Variants in PSG2 observed in about 807,000 individuals in gnomAD.
The protein encoded by PSG2 is pregnancy-specific beta-1-glycoprotein 2.
A neutral mutation model predicts 36.2 loss-of-function variants in PSG2; 49 were observed. That is an observed-to-expected ratio of 1.35 (90% confidence interval 1.08 to 1.72). The LOEUF (loss-of-function observed/expected upper bound fraction) is 1.72, where lower values mean the gene tolerates loss of function less well. PSG2 is among the 40% of genes most tolerant of loss of function. PSG2 has a pLI of 0.00. For synonymous variants in PSG2, 261 were observed against 155.6 expected (o/e 1.68, Z -5.04); for missense variants, 605 against 407.2 (o/e 1.49, Z -4.18).
In PSG2 at chr19:43,071,164, G is replaced by A. The variant is rs139997679; in HGVS notation, c.964+536C>T. On this transcript the variant is annotated intron_variant, in intron 4 of 5. Transcript: ENST00000406487. Reference sequence around the variant, plus strand: ...CCACAAGGGGTCTTTCTCCACACATGCTGGTCCCACCCCAGGTGGAGTCAA... The same window carrying A: ...CCACAAGGGGTCTTTCTCCACACATACTGGTCCCACCCCAGGTGGAGTCAA... Among the ~76,000 whole-genome samples the A allele has an allele frequency of 2.4e-4, 36 of 151,612 alleles. No individual in the cohort carries two copies. In the East Asian group the frequency reaches 6.0e-3, roughly 25 times the overall value.
chr19:43,071,980 G>C (rs759666275), intron 3 of PSG2, 26 bp from the exon 4 acceptor site: 3 of 1,607,894 alleles, frequency 1.9e-6, no homozygotes, highest in Non-Finnish European at 2.6e-6. Flanking sequence ...TAAAGCCACA[G>C]GTGATGCCAT....
chr19:43,077,266 C>T (rs1967910611), intron 2 of PSG2, among the ~76,000 whole-genome samples: 1 of 151,518 alleles, frequency 6.6e-6, no homozygotes, highest in African/African-American at 2.4e-5. Flanking sequence ...ATTAGCAGCT[C>T]CTTAAGTAGA....
chr19:43,071,735 T>A lies in PSG2; in HGVS notation c.929A>T (p.Glu310Val), dbSNP rs138309267. 376 of 1,613,012 alleles carry A rather than the reference T, an allele frequency of 2.3e-4. 3 individuals are homozygous for A. Among genetic ancestry groups the A allele is most frequent in the Non-Finnish European group, 2.9e-4 (340 of 1,179,490 alleles). ...VCSVRNSATG[E>V]ESSTSLTVKV... ...GACTGTCAACGATGTGGAGCTTTCCTCGCCAGTGGCTGAGTTACGAACAGA... is the reference window on the plus strand; with the variant it reads ...GACTGTCAACGATGTGGAGCTTTCCACGCCAGTGGCTGAGTTACGAACAGA... Residue 310 changes from glutamate to valine, a missense_variant, in exon 4 of 6, where the codon GAG becomes GTG. Coordinates refer to ENST00000406487, the MANE Select transcript of PSG2 (RefSeq NM_031246.4).
intron 2 of PSG2, among the ~76,000 whole-genome samples, chr19:43,078,956 G>GA (rs1466079077): frequency 6.6e-6 from 1 of 151,454 alleles, no homozygotes; most frequent in Non-Finnish European, 1.5e-5. Flanking sequence ...GTGACCTGGG[G>GA]ACATTGGCTC....
intron 4 of PSG2, among the ~76,000 whole-genome samples, chr19:43,067,251 A>G (rs533709566): frequency 1.7e-4 from 25 of 150,694 alleles, no homozygotes; most frequent in Admixed American, 4.0e-4. Flanking sequence ...CTCCCATACT[A>G]CCTTCATGCC....
At chr19:43,065,630 G>T (rs1011344362) in intron 5 of PSG2, 5 of 151,476 alleles carry the variant, frequency 3.3e-5, no homozygotes, top group African/African-American at 4.9e-5. Context: ...TTCTATTTTG[G>T]TATCATGATT....
At chr19:43,073,854 T>G (rs891699764) in intron 3 of PSG2, among the ~76,000 whole-genome samples, 3 of 151,798 alleles carry the variant, frequency 2.0e-5, no homozygotes, top group Non-Finnish European at 4.4e-5. Flanking sequence ...TTCTGAAATA[T>G]TTGTCATATA....
chr19:43,077,972 G>A (rs1406421436), intron 2 of PSG2, among the ~76,000 whole-genome samples: 1 of 151,702 alleles, frequency 6.6e-6, no homozygotes, highest in Non-Finnish European at 1.5e-5. Context: ...ACTGGAGAAT[G>A]TGAGCTCTAT....
chr19:43,075,423 G>T lies in PSG2; in HGVS notation c.640C>A (p.Pro214Thr), dbSNP rs779237958. 1.1e-5 allele frequency: 17 copies of T among 1,613,152 alleles called. No individual in the cohort carries two copies. The highest frequency in any genetic ancestry group is 3.3e-5 in the South Asian group (3 of 91,050). Residue 214 changes from proline to threonine, a missense_variant, in exon 3 of 6, where the codon CCC becomes ACC. Physicochemically the swap from Pro to Thr is conservative, Grantham distance 38. Coordinates refer to ENST00000406487, the MANE Select transcript of PSG2 (RefSeq NM_031246.4). ...GAGTTCCGTATTTCACATTCATAGG[G>T]TCCTGCAGTATACTTTGTGACACCA... Reference protein sequence around the residue: ...LFGVTKYTAGPYECEIRNSGS... With the variant: ...LFGVTKYTAGTYECEIRNSGS...
chr19:43,070,021 C>T (rs1967794013), intron 4 of PSG2, among the ~76,000 whole-genome samples: 1 of 151,606 alleles, frequency 6.6e-6, no homozygotes, highest in South Asian at 2.1e-4. Context: ...AAAAAATGAA[C>T]AAAAGATTAA....
At chr19:43,070,705 G>A (rs1195242204) in intron 4 of PSG2, among the ~76,000 whole-genome samples, 54 of 151,646 alleles carry the variant, frequency 3.6e-4, no homozygotes. Flanking sequence ...GAGAAGGAGT[G>A]AGAGTTACTG....
intron 2 of PSG2, among the ~76,000 whole-genome samples, chr19:43,079,661 A>G (rs1486792794): frequency 3.2e-5 from 4 of 123,158 alleles, no homozygotes; most frequent in African/African-American, 1.1e-4. Context: ...GGGGGTTAAG[A>G]TCTGAGAGGG....
intron 5 of PSG2, 39 bp from the exon 6 acceptor site, chr19:43,064,640 A>G: frequency 1.7e-6 from 1 of 588,650 alleles, no homozygotes; most frequent in Admixed American, 2.5e-5. Flanking sequence ...GGTGATTGTA[A>G]GTAGTTTGAG....
At chr19:43,075,671 C>T (rs530379018) in intron 2 of PSG2, 39 bp from the exon 3 acceptor site, 3 of 1,583,598 alleles carry the variant, frequency 1.9e-6, no homozygotes, top group Non-Finnish European at 2.6e-6. Context: ...CTGTGTGGCA[C>T]CTTTGATTCC....
rs539045916 is a variant in PSG2, at chr19:43,077,269, T to A, written c.431-1637A>T. ...AGGTGATTGGAAATTAGCAGCTCCT[T>A]AAGTAGAGAGAGTCCCGTTAAAAGG... On this transcript the variant is annotated intron_variant, in intron 2 of 5. Transcript: ENST00000406487. Among the ~76,000 whole-genome samples the A allele has an allele frequency of 1.1e-3, 160 of 151,694 alleles. 1 individual carries two copies. Among genetic ancestry groups the A allele is most frequent in the Non-Finnish European group, 2.0e-3 (136 of 67,964 alleles).
chr19:43,072,844 G>C (rs369510279), intron 3 of PSG2, among the ~76,000 whole-genome samples: 57 of 151,860 alleles, frequency 3.8e-4, no homozygotes, highest in East Asian at 1.9e-3. Context: ...CAGACTTTCT[G>C]AAGTGTCAAT....
At chr19:43,064,976 T>G (rs1967720524) in intron 5 of PSG2, among the ~76,000 whole-genome samples, 1 of 151,618 alleles carries the variant, frequency 6.6e-6, no homozygotes, top group South Asian at 2.1e-4. Context: ...GGACTACAGG[T>G]GCCTGCCACC....
At chr19:43,068,312 AC>A (rs1324339120) in intron 4 of PSG2, among the ~76,000 whole-genome samples, 6 of 151,358 alleles carry the variant, frequency 4.0e-5, no homozygotes, top group African/African-American at 1.2e-4. Context: ...GTTGACATGC[AC>A]CTGTAGTCCT....
chr19:43,076,925 G>A (rs1364827107), intron 2 of PSG2, among the ~76,000 whole-genome samples: 4 of 146,800 alleles, frequency 2.7e-5, no homozygotes, highest in Admixed American at 2.7e-4. Context: ...CTTCTTTTTA[G>A]CATCACATCA....
Sources: gnomAD v4.1 joint callset for allele counts (sites outside exome capture counted in the v4.1 genomes callset) on GRCh38, gnomAD v4.1.1 for gene constraint, MANE v1.5 for transcripts, NCBI Gene and HGNC (gene_info 2026-07-23, HGNC 2026-07-21) for gene names.